SGCD: variants seen among roughly 807,000 people sequenced by gnomAD.
The protein encoded by SGCD is sarcoglycan delta, also known as delta-sarcoglycan.
A neutral mutation model predicts 36.6 loss-of-function variants in SGCD; 18 were observed. That is an observed-to-expected ratio of 0.49 (90% CI 0.34 to 0.73). SGCD has a LOEUF of 0.73. Ranked by LOEUF, SGCD falls within the 30% of genes least tolerant of loss-of-function variation. The pLI is 0.01. For missense variants in SGCD, 387 were observed against 346.7 expected (o/e 1.12, Z -0.92); for synonymous variants, 133 against 130.6 (o/e 1.02, Z -0.12).
chr5:155,794,979 T>C, the SGCD span, among the ~76,000 whole-genome samples: 1 of 152,076 alleles, frequency 6.6e-6, no homozygotes, highest in Non-Finnish European at 1.5e-5. Flanking sequence ...TCAAAAGTGC[T>C]ACAATAATAC....
chr5:156,743,271 C>G (rs1756781408), intron 7 of SGCD, among the ~76,000 whole-genome samples: 1 of 152,166 alleles, frequency 6.6e-6, no homozygotes, highest in South Asian at 2.1e-4. Flanking sequence ...ACCATCACAC[C>G]TGGCTAGTTT....
chr5:156,052,499 A>G lies in SGCD; in HGVS notation c.-281-65379A>G, dbSNP rs527447484. Among the ~76,000 whole-genome samples the G allele has an allele frequency of 5.5e-5, 8 of 146,556 alleles. No homozygotes were observed. The East Asian group carries it at 1.5e-3, about 28-fold the overall frequency. Reference sequence around the variant, plus strand: ...TTACTCTGGGTATTGTGAGCAGAATAAACTGTTGGGCCAGGGCTAGTTGGA... The same window carrying G: ...TTACTCTGGGTATTGTGAGCAGAATGAACTGTTGGGCCAGGGCTAGTTGGA... On this transcript the variant is annotated intron_variant, in intron 1 of 9. Coordinates refer to the SGCD transcript ENST00000517913.
chr5:156,614,127 A>T (rs1761937947), intron 6 of SGCD, among the ~76,000 whole-genome samples: 2 of 152,112 alleles, frequency 1.3e-5, no homozygotes, highest in South Asian at 4.1e-4. Flanking sequence ...TTGTATTTTT[A>T]GTAGAGATGG....
chr5:156,221,008 C>A (rs2127645736), intron 3 of SGCD, among the ~76,000 whole-genome samples: 1 of 152,242 alleles, frequency 6.6e-6, no homozygotes. Flanking sequence ...CAGGAAAAAA[C>A]AAAGCTGTCT....
intron 2 of SGCD, among the ~76,000 whole-genome samples, chr5:156,333,144 C>T (rs1050873133): frequency 3.9e-5 from 6 of 152,090 alleles, no homozygotes; most frequent in Non-Finnish European, 7.4e-5. Context: ...CATTTGAGAG[C>T]GCAGGTAATA....
intron 3 of SGCD, among the ~76,000 whole-genome samples, chr5:156,230,563 G>A (rs898621908): frequency 6.6e-6 from 1 of 152,152 alleles, no homozygotes; most frequent in Non-Finnish European, 1.5e-5. Context: ...ACCAGAACCT[G>A]TTAGTAATTG....
In SGCD at chr5:155,976,076, C is replaced by T. The variant is rs1203743110; in HGVS notation, c.-282+105652C>T. Among the ~76,000 whole-genome samples the T allele has an allele frequency of 2.0e-5, 3 of 151,972 alleles. No homozygotes were observed. The South Asian group carries it at 6.2e-4, about 32-fold the overall frequency. Reference sequence around the variant, plus strand: ...AAAATTTTAAACATACAAAACAGTACTATATATTTTTATGGACATTTATAT... The same window carrying T: ...AAAATTTTAAACATACAAAACAGTATTATATATTTTTATGGACATTTATAT... On this transcript the variant is annotated intron_variant, in intron 1 of 9. Coordinates refer to the SGCD transcript ENST00000517913.
At chr5:156,159,231 TA>T (rs1188896386) in intron 3 of SGCD, among the ~76,000 whole-genome samples, 7 of 151,710 alleles carry the variant, frequency 4.6e-5, no homozygotes, top group African/African-American at 1.7e-4. Context: ...TATGTGGTTG[TA>T]ATTCATCAGA....
chr5:156,378,618 A>C (rs1770807372), intron 3 of SGCD, among the ~76,000 whole-genome samples: 1 of 152,106 alleles, frequency 6.6e-6, no homozygotes, highest in African/African-American at 2.4e-5. Flanking sequence ...TTACTTTCTG[A>C]TATAAGCCAA....
chr5:156,623,242 G>A (rs1762324010), intron 6 of SGCD, among the ~76,000 whole-genome samples: 1 of 152,084 alleles, frequency 6.6e-6, no homozygotes, highest in African/African-American at 2.4e-5. Context: ...CAGGCGTTCG[G>A]ACTTTTAAGG....
chr5:155,746,206 T>C, the SGCD span, among the ~76,000 whole-genome samples: 1 of 152,092 alleles, frequency 6.6e-6, no homozygotes, highest in Non-Finnish European at 1.5e-5. Flanking sequence ...GATCAAAATA[T>C]TGGATAATAA....
chr5:155,754,418 G>A, the SGCD span, among the ~76,000 whole-genome samples: 1 of 152,176 alleles, frequency 6.6e-6, no homozygotes, highest in Non-Finnish European at 1.5e-5. Context: ...GCCATGGGAG[G>A]AAAGGACTAA....
At chr5:156,652,563 C>A (rs772253497) in intron 7 of SGCD, among the ~76,000 whole-genome samples, 7 of 152,010 alleles carry the variant, frequency 4.6e-5, no homozygotes, top group African/African-American at 1.2e-4. Context: ...AATTTGACTT[C>A]TTTTCTTTTT....
chr5:156,089,477 G>A (rs1204562872), intron 1 of SGCD, among the ~76,000 whole-genome samples: 3 of 152,190 alleles, frequency 2.0e-5, no homozygotes, highest in African/African-American at 7.2e-5. Context: ...TAGTGAATGG[G>A]TGTCCAAACC....
intron 4 of SGCD, among the ~76,000 whole-genome samples, chr5:156,550,918 T>C (rs749893940): frequency 5.9e-5 from 9 of 152,236 alleles, no homozygotes; most frequent in Non-Finnish European, 1.2e-4. Context: ...TCTGCCTTCG[T>C]AGGTCATCTT....
intron 7 of SGCD, among the ~76,000 whole-genome samples, chr5:156,718,957 CTT>C (rs1006057487): frequency 6.6e-6 from 1 of 152,106 alleles, no homozygotes; most frequent in Admixed American, 6.6e-5. Flanking sequence ...CTGTAATACT[CTT>C]TTCTTCTCCT....
the SGCD span, among the ~76,000 whole-genome samples, chr5:155,770,508 C>T: frequency 3.6e-4 from 55 of 152,208 alleles, no homozygotes; most frequent in African/African-American, 1.3e-3. Context: ...GATTGAAAGG[C>T]ACAGTGGCAG....
At chr5:156,393,660 G>A (rs989195668) in intron 3 of SGCD, 9 of 447,828 alleles carry the variant, frequency 2.0e-5, no homozygotes, top group Admixed American at 7.1e-5. Flanking sequence ...ACAGAAATTG[G>A]CAAGCACTAC....
chr5:155,837,481 T>G, the SGCD span, among the ~76,000 whole-genome samples: 1 of 152,250 alleles, frequency 6.6e-6, no homozygotes, highest in East Asian at 1.9e-4. Flanking sequence ...TATGATACTT[T>G]TCACCATATA....
Sources: gnomAD v4.1 joint callset for allele counts (sites outside exome capture counted in the v4.1 genomes callset) on GRCh38, gnomAD v4.1.1 for gene constraint, MANE v1.5 for transcripts, NCBI Gene and HGNC (gene_info 2026-07-23, HGNC 2026-07-21) for gene names.